The following STON2 variants were observed in gnomAD, a reference collection of about 807,000 sequenced individuals.
STON2 encodes the protein stonin-2.
STON2 carries 29 observed loss-of-function variants against 65.7 expected under a neutral mutation model. The ratio of observed to expected loss-of-function variants is 0.44; its 90% CI spans 0.33 to 0.60. The LOEUF (loss-of-function observed/expected upper bound fraction) is 0.60. Among genes scored for constraint, STON2 ranks in the 20% least tolerant of loss-of-function variants. The probability of loss-of-function intolerance (pLI) is 0.03; values close to 1 mark genes in which losing one functional copy is unlikely to be tolerated. For synonymous variants in STON2, 404 were observed against 414.2 expected (o/e 0.98, Z 0.30); for missense variants, 1,054 against 1,118.1 (o/e 0.94, Z 0.82).
At chr14:81,419,185 C>CTA (rs1334727677) in intron 2 of STON2, among the ~76,000 whole-genome samples, 1 of 152,090 alleles carries the variant, frequency 6.6e-6, no homozygotes, top group African/African-American at 2.4e-5. Context: ...CTATACAGTA[C>CTA]TATGTTGAGG....
intron 4 of STON2, among the ~76,000 whole-genome samples, chr14:81,356,874 T>C (rs968032867): frequency 2.0e-5 from 3 of 152,180 alleles, no homozygotes; most frequent in East Asian, 3.8e-4. Flanking sequence ...TCATTTTTTA[T>C]TGCATCTATT....
chr14:81,295,104 C>G (rs1226642163), intron 5 of STON2, among the ~76,000 whole-genome samples: 1 of 152,096 alleles, frequency 6.6e-6, no homozygotes, highest in Admixed American at 6.5e-5. Flanking sequence ...GTGGGCGGAT[C>G]ACGAGGTCAG....
chr14:81,414,615 G>C (rs1052456886), intron 2 of STON2, among the ~76,000 whole-genome samples: 1 of 151,360 alleles, frequency 6.6e-6, no homozygotes, highest in Non-Finnish European at 1.5e-5. Flanking sequence ...AAGATTCCTT[G>C]AATACTAGAT....
chr14:81,398,734 C>T (rs1157499988), intron 1 of STON2, among the ~76,000 whole-genome samples, 154 bp from the exon 2 acceptor site: 2 of 152,158 alleles, frequency 1.3e-5, no homozygotes, highest in Non-Finnish European at 2.9e-5. Flanking sequence ...ATGCCCTCAC[C>T]TTTTATACTG....
rs184881540 is a variant in STON2, at chr14:81,281,254, G to A, written c.743-2515C>T. 1.4e-3 allele frequency among the ~76,000 whole-genome samples: 210 copies of A among 152,100 alleles called. 1 individual carries two copies. Among genetic ancestry groups the A allele is most frequent in the Non-Finnish European group, 1.5e-3 (103 of 67,974 alleles). ...ATTTTCTGAAAATCGAAGGGAAAAC[G>A]GTCAGGAAACAACCTACACTTACAG... is the stretch of plus-strand genomic sequence containing the variant. On this transcript the variant is annotated intron_variant, in intron 5 of 7. Transcript: ENST00000614646.
chr14:81,289,201 G>A (rs17631957), intron 5 of STON2, among the ~76,000 whole-genome samples: 63,712 of 151,968 alleles, frequency 0.42, 15,518 homozygotes, highest in Non-Finnish European at 0.54. Flanking sequence ...GGAATTAGAT[G>A]GGACTGAACC....
At position 81,340,357 on chromosome 14, in the gene STON2, G is replaced by T. The variant is rs111262300; in HGVS notation, c.572-16170C>A. ...ACACGAGGAACTATTGGGGTTAGTG[G>T]ATACGTTCATTATCTTGATTATGGT... On this transcript the variant is annotated intron_variant, in intron 4 of 7. Transcript: ENST00000614646. Among the ~76,000 whole-genome samples the T allele has an allele frequency of 1.1e-4, 17 of 152,262 alleles. 1 individual carries two copies. The East Asian group carries it at 1.2e-3, about 10-fold the overall frequency.
intron 5 of STON2, among the ~76,000 whole-genome samples, chr14:81,287,642 T>C: frequency 6.6e-6 from 1 of 152,164 alleles, no homozygotes; most frequent in African/African-American, 2.4e-5. Context: ...TTTAAGTTTG[T>C]TGACTGGTCC....
Position 81,278,071 on chromosome 14 carries a change from C to T in STON2, c.1411G>A (p.Ala471Thr). 1 of 1,614,170 alleles carries T rather than the reference C, an allele frequency of 6.2e-7. No homozygotes were observed. The highest frequency in any genetic ancestry group is 1.3e-5 in the African/African-American group (1 of 75,056). Residue 471 changes from alanine to threonine, a missense_variant, in exon 6 of 8, where the codon GCT becomes ACT. Transcript: ENST00000614646. ...DDPVAWIELDAHPPGSARSQP... is the reference protein window; with the variant it reads ...DDPVAWIELDTHPPGSARSQP... Reference sequence around the variant, plus strand: ...GACCGTGCTGATCCAGGCGGGTGAGCATCTAGTTCAATCCAGGCTACTGGG... The same window carrying T: ...GACCGTGCTGATCCAGGCGGGTGAGTATCTAGTTCAATCCAGGCTACTGGG...
chr14:81,278,922 C>G (rs1378071301), intron 5 of STON2, 183 bp from the exon 6 acceptor site: 2 of 454,482 alleles, frequency 4.4e-6, no homozygotes, highest in African/African-American at 2.0e-5. Flanking sequence ...ATGAGCACCC[C>G]AGAGGAGCTA....
At chr14:81,391,938 T>C (rs72689300) in intron 3 of STON2, among the ~76,000 whole-genome samples, 4,153 of 152,284 alleles carry the variant, frequency 0.027, 87 homozygotes, top group African/African-American at 0.051. Context: ...TATGCTTTCA[T>C]GCATTTGAAC....
In STON2 at chr14:81,262,169, A is replaced by C. The variant is rs1894175860; in HGVS notation, c.*6245T>G. 1.0e-6 allele frequency: 1 copy of C among 985,322 alleles called. No individual in the cohort carries two copies. Among genetic ancestry groups the C allele is most frequent in the Non-Finnish European group, 1.2e-6 (1 of 829,826 alleles). 61.0% of individuals were successfully genotyped at this position (985,322 alleles called of 1,614,324 possible). A position where few individuals can be genotyped will look rare whatever the true frequency, so the allele number is the denominator to read the frequency against. On this transcript the variant is annotated 3_prime_UTR_variant, in exon 8 of 8. Coordinates refer to ENST00000614646, the MANE Select transcript of STON2 (RefSeq NM_001394390.1). ...TCACTTTTTTGTCTCAGGAAACTGA[A>C]GCCCAATTGGGAAAACAGCAACTTA...
chr14:81,331,509 G>A (rs1021811806), intron 4 of STON2, among the ~76,000 whole-genome samples: 2 of 152,112 alleles, frequency 1.3e-5, no homozygotes, highest in African/African-American at 4.8e-5. Flanking sequence ...GGGAGGGGGG[G>A]TACAGAGCCA....
At chr14:81,287,676 T>C (rs940698915) in intron 5 of STON2, among the ~76,000 whole-genome samples, 26 of 152,288 alleles carry the variant, frequency 1.7e-4, no homozygotes, top group African/African-American at 6.0e-4. Context: ...GTTTATTCCA[T>C]GTTGGTGGGG....
At chr14:81,316,850 C>G (rs749555702) in intron 5 of STON2, among the ~76,000 whole-genome samples, 18 of 152,124 alleles carry the variant, frequency 1.2e-4, no homozygotes, top group Non-Finnish European at 2.5e-4. Flanking sequence ...GAAACCCCGT[C>G]TCTACCAAAA....
intron 5 of STON2, among the ~76,000 whole-genome samples, chr14:81,308,826 G>A (rs2758765): frequency 0.13 from 1,000 of 7,688 alleles, 27 homozygotes; most frequent in Non-Finnish European, 0.16. Flanking sequence ...ATATATATAT[G>A]TGTGTGTGTG....
At chr14:81,311,771 G>C (rs1408942693) in intron 5 of STON2, among the ~76,000 whole-genome samples, 2 of 152,180 alleles carry the variant, frequency 1.3e-5, no homozygotes, top group African/African-American at 4.8e-5. Context: ...AGAAAACAAA[G>C]AGAATGCTTA....
chr14:81,351,582 T>G (rs1898027754), intron 4 of STON2, among the ~76,000 whole-genome samples: 2 of 152,204 alleles, frequency 1.3e-5, no homozygotes, highest in South Asian at 4.1e-4. Flanking sequence ...TGGATAAAAA[T>G]GGAGTTATTA....
At chr14:81,377,207 T>G (rs897188500) in intron 3 of STON2, among the ~76,000 whole-genome samples, 2 of 152,226 alleles carry the variant, frequency 1.3e-5, no homozygotes, top group African/African-American at 4.8e-5. Flanking sequence ...ACCACTAATC[T>G]GTTTTTCATT....
Sources: gnomAD v4.1 joint callset for allele counts (sites outside exome capture counted in the v4.1 genomes callset) on GRCh38, gnomAD v4.1.1 for gene constraint, MANE v1.5 for transcripts, NCBI Gene and HGNC (gene_info 2026-07-23, HGNC 2026-07-21) for gene names.